Variants in ZNF398 observed in about 807,000 individuals in gnomAD.
The protein encoded by ZNF398 is zinc finger DNA binding protein ZER6.
Under a neutral mutation model 41.9 loss-of-function variants are expected in ZNF398, and 18 were observed. That is an observed-to-expected ratio of 0.43 (90% CI 0.30 to 0.64). The LOEUF is 0.64. Among genes scored for constraint, ZNF398 ranks in the 30% least tolerant of loss-of-function variants. The probability of loss-of-function intolerance (pLI) is 0.14; values close to 1 mark genes in which losing one functional copy is unlikely to be tolerated. For missense variants in ZNF398, 669 were observed against 822.8 expected, an observed-to-expected ratio of 0.81 and a Z score of 2.29; for synonymous variants, 260 against 308.8, an observed-to-expected ratio of 0.84 and a Z score of 1.66.
rs1166001547 is a variant in ZNF398, at chr7:149,147,633, G to T, written c.-110G>T. On this transcript the variant is annotated 5_prime_UTR_variant, in exon 1 of 6. Coordinates refer to ENST00000475153, the MANE Select transcript of ZNF398 (RefSeq NM_170686.3). The surrounding 1 kb of genome is among the most constrained non-coding windows in gnomAD (Gnocchi z 5.6). ...CGTGCGGGGAAGGCAGGGCCGGGTC[G>T]GCGCCGCCTGTGGAGAGGACCCGGC... 3 of 1,156,810 alleles carry T rather than the reference G, an allele frequency of 2.6e-6. No individual in the cohort carries two copies. Among genetic ancestry groups the T allele is most frequent in the East Asian group, 3.5e-5 (1 of 28,228 alleles). 71.7% of individuals were successfully genotyped at this position (1,156,810 alleles called of 1,614,324 possible). A position where few individuals can be genotyped will look rare whatever the true frequency, so the allele number is the denominator to read the frequency against.
At chr7:149,152,690 T>C (rs146516652) in intron 1 of ZNF398, among the ~76,000 whole-genome samples, 116 of 151,844 alleles carry the variant, frequency 7.6e-4, no homozygotes, top group African/African-American at 2.5e-3. Context: ...CCTCAGCCTC[T>C]GAGTAGCTGA....
chr7:149,166,384 C>T, intron 3 of ZNF398, 100 bp downstream of exon 3: 1 of 1,447,770 alleles, frequency 6.9e-7, no homozygotes, highest in Middle Eastern at 1.7e-4. Flanking sequence ...ACTCTGTCTT[C>T]ACACACTTCA....
rs760689813 is a variant in ZNF398 at position 149,178,913 on chromosome 7, C to A, written c.1041C>A (p.His347Gln). 1.2e-6 allele frequency: 2 copies of A among 1,614,206 alleles called. No individual in the cohort carries two copies. The highest frequency in any genetic ancestry group is 2.2e-5 in the East Asian group (1 of 44,888). The change falls in exon 6 of 6, where the codon CAC (histidine) becomes CAA (glutamine). Residue 347 changes from histidine to glutamine, a missense_variant. Physicochemically the swap from His to Gln is conservative, Grantham distance 24. Around this residue, in one of 3 missense-constraint regions of ZNF398, gnomAD observed 290 missense variants for 292.9 expected, o/e 0.99. Coordinates refer to ENST00000475153, the MANE Select transcript of ZNF398 (RefSeq NM_170686.3). ...PVGEQVFSCH[H>Q]CGKNLSQDML... is the part of the protein sequence containing the mutation. ...GCGAGCAGGTGTTCTCATGCCACCA[C>A]TGTGGCAAGAATCTCAGCCAAGACA...
At position 149,181,155 on chromosome 7, in the gene ZNF398, A is replaced by G. The variant is rs1795581376; in HGVS notation, c.*1354A>G. On this transcript the variant is annotated 3_prime_UTR_variant, in exon 6 of 6. Coordinates refer to ENST00000475153, the MANE Select transcript of ZNF398 (RefSeq NM_170686.3). Reference sequence around the variant, plus strand: ...TCTGCACAATGAGGCTGTTGAAAGGAAAAAAAGTGAGCCTCTAGGAATTAT... The same window carrying G: ...TCTGCACAATGAGGCTGTTGAAAGGGAAAAAAGTGAGCCTCTAGGAATTAT... The G allele has an allele frequency of 6.6e-6, 1 of 152,592 alleles. No homozygotes were observed. Among genetic ancestry groups the G allele is most frequent in the Non-Finnish European group, 1.5e-5 (1 of 68,012 alleles). The allele number at this position is 152,592 out of a possible 1,614,324, so 9.5% of individuals were successfully genotyped here. A position where few individuals can be genotyped will look rare whatever the true frequency, so the allele number is the denominator to read the frequency against.
chr7:149,137,402 C>T (rs1350803326), intron 2 of ZNF398, among the ~76,000 whole-genome samples: 3 of 152,076 alleles, frequency 2.0e-5, no homozygotes, highest in African/African-American at 7.2e-5. Context: ...TTTCTTTTAA[C>T]ACAGAGTCTT....
chr7:149,131,562 T>G (rs1826595608), intron 2 of ZNF398, among the ~76,000 whole-genome samples: 1 of 152,166 alleles, frequency 6.6e-6, no homozygotes, highest in Admixed American at 6.6e-5. Flanking sequence ...GGCGGACGCC[T>G]GTAGTCCCAG....
At chr7:149,151,640 T>C (rs1827115974) in intron 1 of ZNF398, among the ~76,000 whole-genome samples, 1 of 152,086 alleles carries the variant, frequency 6.6e-6, no homozygotes, top group South Asian at 2.1e-4. Context: ...GCTATGGTCA[T>C]GTCAGTGCAC....
chr7:149,154,638 G>A (rs1794930837), intron 2 of ZNF398, among the ~76,000 whole-genome samples: 1 of 151,924 alleles, frequency 6.6e-6, no homozygotes, highest in South Asian at 2.1e-4. Context: ...CCCATGAGCC[G>A]CTTCTTTCTT....
chr7:149,128,829 T>C (rs1826540071), exon 2 of ZNF398: 1 of 144,366 alleles, frequency 6.9e-6, no homozygotes, highest in Non-Finnish European at 1.5e-5. Context: ...CCAGACGTAG[T>C]CTTGCTCTGT....
intron 2 of ZNF398, among the ~76,000 whole-genome samples, chr7:149,163,985 A>G (rs1322511433): frequency 6.6e-6 from 1 of 151,894 alleles, no homozygotes; most frequent in Non-Finnish European, 1.5e-5. Flanking sequence ...GATGGTGTGC[A>G]CCTGTAATCC....
chr7:149,133,363 C>T (rs1271139179), intron 2 of ZNF398, among the ~76,000 whole-genome samples: 4 of 151,918 alleles, frequency 2.6e-5, no homozygotes, highest in African/African-American at 9.7e-5. Context: ...ATCTGCCCAC[C>T]CCAGCCTCCC....
intron 4 of ZNF398, among the ~76,000 whole-genome samples, chr7:149,171,533 G>A (rs1347483424): frequency 6.6e-6 from 1 of 150,700 alleles, no homozygotes; most frequent in Non-Finnish European, 1.5e-5. Context: ...CCCCACGCCC[G>A]GCTAATTTTT....
At chr7:149,166,313 A>G in intron 3 of ZNF398, 29 bp downstream of exon 3, 1 of 1,560,564 alleles carries the variant, frequency 6.4e-7, no homozygotes, top group African/African-American at 1.4e-5. Context: ...CTTTTGAATG[A>G]AGTGACAGCA....
chr7:149,162,390 G>A (rs34774543), intron 2 of ZNF398, among the ~76,000 whole-genome samples: 11,183 of 152,158 alleles, frequency 0.073, 409 homozygotes, highest in Middle Eastern at 0.092. Flanking sequence ...CACCATGTTA[G>A]CCAGGATGGT....
rs987290264 is a variant in ZNF398 at position 149,154,253 on chromosome 7, G to A, written c.333G>A (p.Arg111=). Residue 111 remains arginine (R), a synonymous_variant, in exon 2 of 6, where the codon AGG becomes AGA. Transcript: ENST00000475153. ...TLLQEYGLLQ[R]RLENLENLLR... is the part of the protein sequence containing the mutation. Reference sequence around the variant, plus strand: ...TGCAGGAGTACGGGCTGCTGCAGAGGCGGCTGGAGAACTTGGAGAACCTGC... The same window carrying A: ...TGCAGGAGTACGGGCTGCTGCAGAGACGGCTGGAGAACTTGGAGAACCTGC... 6.2e-7 allele frequency: 1 copy of A among 1,614,180 alleles called. No homozygotes were observed. The highest frequency in any genetic ancestry group is 8.5e-7 in the Non-Finnish European group (1 of 1,180,028).
At chr7:149,139,667 G>A (rs146979622) in intron 2 of ZNF398, among the ~76,000 whole-genome samples, 114 of 151,228 alleles carry the variant, frequency 7.5e-4, no homozygotes, top group African/African-American at 2.5e-3. Flanking sequence ...GTTGCAGTGA[G>A]CGAGATCAGC....
intron 2 of ZNF398, among the ~76,000 whole-genome samples, chr7:149,135,003 T>C (rs559888233): frequency 3.7e-4 from 57 of 152,300 alleles, no homozygotes; most frequent in African/African-American, 1.3e-3. Flanking sequence ...AATGCTGGGA[T>C]TACCACCTGA....
At chr7:149,175,639 A>G (rs115445834) in intron 4 of ZNF398, among the ~76,000 whole-genome samples, 2,732 of 152,296 alleles carry the variant, frequency 0.018, 73 homozygotes, top group African/African-American at 0.062. Context: ...TTCTGTGTCT[A>G]TACTGAACTA....
chr7:149,147,796 GC>G lies in ZNF398; in HGVS notation c.24+35del. 14 of 1,384,700 alleles carry G rather than the reference GC, an allele frequency of 1.0e-5. No individual in the cohort carries two copies. The highest frequency in any genetic ancestry group is 6.4e-5 in the South Asian group (4 of 62,208). 85.8% of individuals were successfully genotyped at this position (1,384,700 alleles called of 1,614,324 possible). A position where few individuals can be genotyped will look rare whatever the true frequency, so the allele number is the denominator to read the frequency against. On this transcript the variant is annotated intron_variant, in intron 1 of 5. Coordinates refer to ENST00000475153, the MANE Select transcript of ZNF398 (RefSeq NM_170686.3). This position sits in a 1 kb window ranked among gnomAD's most constrained non-coding sequence, Gnocchi z 5.6. ...GGGCGGCCGCGCGCGAGTGTTGTGA[GC>G]CCCCGAGACCCAGACCCCGAGGGAG...
Sources: gnomAD v4.1 joint callset for allele counts (sites outside exome capture counted in the v4.1 genomes callset) on GRCh38, gnomAD v4.1.1 for gene constraint, gnomAD v4.1.1 regional missense constraint, Gnocchi (gnomAD v3.1) non-coding constraint, MANE v1.5 for transcripts, NCBI Gene and HGNC (gene_info 2026-07-23, HGNC 2026-07-21) for gene names.